ABCA3: variants seen among roughly 807,000 people sequenced by gnomAD.
ABCA3 encodes the protein ATP binding cassette subfamily A member 3.
A neutral mutation model predicts 172.8 loss-of-function variants in ABCA3; 88 were observed. That is an observed-to-expected ratio of 0.51 (90% CI 0.43 to 0.61). ABCA3 has a LOEUF of 0.61. Ranked by LOEUF, ABCA3 falls within the 20% of genes least tolerant of loss-of-function variation. The probability of loss-of-function intolerance (pLI) is 0.00; values close to 1 mark genes in which losing one functional copy is unlikely to be tolerated. For missense variants in ABCA3, 2,164 were observed against 2,301.0 expected (o/e 0.94, Z 1.22); for synonymous variants, 1,066 against 983.8 (o/e 1.08, Z -1.56).
In ABCA3 at chr16:2,277,869, C is replaced by A; in HGVS notation, c.4909+10G>T. On this transcript the variant is annotated intron_variant, in intron 31 of 32. Coordinates refer to ENST00000301732, the MANE Select transcript of ABCA3 (RefSeq NM_001089.3). This position sits in a 1 kb window ranked among gnomAD's most constrained non-coding sequence, Gnocchi z 5.3. ...CCCACCCAGTGGGGGCTGCCGGGGCCGGCACACACCTGGAAAGGTCAGGTC... is the reference window on the plus strand; with the variant it reads ...CCCACCCAGTGGGGGCTGCCGGGGCAGGCACACACCTGGAAAGGTCAGGTC... The A allele has an allele frequency of 3.1e-6, 5 of 1,607,894 alleles. No individual in the cohort carries two copies. Among genetic ancestry groups the A allele is most frequent in the Non-Finnish European group, 4.2e-6 (5 of 1,179,720 alleles).
intron 5 of ABCA3, among the ~76,000 whole-genome samples, chr16:2,325,350 C>T (rs527764597): frequency 6.6e-6 from 1 of 152,302 alleles, no homozygotes; most frequent in African/African-American, 2.4e-5. Flanking sequence ...ACTGCTAAGG[C>T]TGCTGCACCT....
chr16:2,279,523 G>T lies in ABCA3; in HGVS notation c.4360-393C>A, dbSNP rs1374584885. 6.6e-6 allele frequency among the ~76,000 whole-genome samples: 1 copy of T among 152,188 alleles called. No homozygotes were observed. The highest frequency in any genetic ancestry group is 1.5e-5 in the Non-Finnish European group (1 of 68,036). On this transcript the variant is annotated intron_variant, in intron 28 of 32. Transcript: ENST00000301732. The surrounding 1 kb of genome is among the most constrained non-coding windows in gnomAD (Gnocchi z 4.4). ...CTTCTCCCTCTAAGAAGAAAGATTT[G>T]TGGGCACCACGTTTGGGGTGAGTAC...
intron 13 of ABCA3, 71 bp from the exon 14 acceptor site, chr16:2,299,603 C>G: frequency 6.2e-7 from 1 of 1,602,382 alleles, no homozygotes; most frequent in Middle Eastern, 1.7e-4. Context: ...CTCTCCTGCT[C>G]CCCTGCCCGA....
chr16:2,338,704 G>C (rs2093755632), intron 1 of ABCA3, among the ~76,000 whole-genome samples: 1 of 150,624 alleles, frequency 6.6e-6, no homozygotes, highest in Admixed American at 6.6e-5. Flanking sequence ...CATCTCTTTA[G>C]CTCTATCCTA....
At chr16:2,294,856 G>A (rs2093677334) in intron 18 of ABCA3, among the ~76,000 whole-genome samples, 1 of 151,866 alleles carries the variant, frequency 6.6e-6, no homozygotes, top group South Asian at 2.1e-4. Flanking sequence ...GGTGGTGCAC[G>A]CCTGTAATCC....
At position 2,284,945 on chromosome 16, in the gene ABCA3, A is replaced by T. The variant is rs757184568; in HGVS notation, c.3537T>A (p.Ala1179=). 1 of 1,613,892 alleles carries T rather than the reference A, an allele frequency of 6.2e-7. No homozygotes were observed. The highest frequency in any genetic ancestry group is 1.7e-5 in the Admixed American group (1 of 60,024). Residue 1179 remains alanine (A), a synonymous_variant, in exon 24 of 33, where the codon GCT becomes GCA. Transcript: ENST00000301732. The surrounding 1 kb of genome is among the most constrained non-coding windows in gnomAD (Gnocchi z 5.9). ...VRAFTRDGHM[A]DTLLLLLLYG... ...AGAGCAGGAGCAGCAGCAGGGTGTCAGCCATGTGGCCGTCCCGCGTGAAGG... is the reference window on the plus strand; with the variant it reads ...AGAGCAGGAGCAGCAGCAGGGTGTCTGCCATGTGGCCGTCCCGCGTGAAGG...
At chr16:2,319,907 T>C in intron 7 of ABCA3, 67 bp from the exon 8 acceptor site, 2 of 1,599,946 alleles carry the variant, frequency 1.3e-6, no homozygotes, top group Non-Finnish European at 1.7e-6. Context: ...GAGGGCCACG[T>C]GCATGGGGTC....
At chr16:2,325,738 T>C (rs2093733113) in intron 5 of ABCA3, among the ~76,000 whole-genome samples, 1 of 151,968 alleles carries the variant, frequency 6.6e-6, no homozygotes, top group South Asian at 2.1e-4. Context: ...GCCCCATGGG[T>C]TAAAATGTCA....
intron 12 of ABCA3, among the ~76,000 whole-genome samples, chr16:2,301,012 T>C (rs6422255): frequency 0.97 from 145,550 of 150,174 alleles, 70,621 homozygotes; most frequent in South Asian, 1. Flanking sequence ...GGGCGGATCA[T>C]GAGGTCAGGA....
In ABCA3 at chr16:2,285,724, C is replaced by G. The variant is rs374596575; in HGVS notation, c.3279-78G>C. On this transcript the variant is annotated intron_variant, in intron 22 of 32. Transcript: ENST00000301732. This position sits in a 1 kb window ranked among gnomAD's most constrained non-coding sequence, Gnocchi z 4.7. ...GAGAGGTCGGGTTCTCGGTTATGAC[C>G]GCCCAAGGCATGCAGGGCAGCAGCC... 2 of 1,428,820 alleles carry G rather than the reference C, an allele frequency of 1.4e-6. No homozygotes were observed. Among genetic ancestry groups the G allele is most frequent in the East Asian group, 5.0e-5 (2 of 40,340 alleles). The allele number at this position is 1,428,820 out of a possible 1,614,324, so 88.5% of individuals were successfully genotyped here.
intron 18 of ABCA3, among the ~76,000 whole-genome samples, chr16:2,294,287 A>C (rs2141704284): frequency 6.6e-6 from 1 of 152,022 alleles, no homozygotes; most frequent in Admixed American, 6.5e-5. Context: ...TGGCCTCCCA[A>C]AGTGCTGGGA....
Position 2,326,220 on chromosome 16 carries a change from C to A in ABCA3, c.109G>T (p.Gly37Trp). ...LELFLPLLFS[G>W]ILIWLRLKIQ... ...TTCAAGCGGAGCCAGATGAGGATCC[C>A]AGAAAACAGCAATGGCAGGAAGAGT... The change falls in exon 5 of 33, where the codon GGG (glycine) becomes TGG (tryptophan). Residue 37 changes from glycine (G) to tryptophan (W), a missense_variant. Physicochemically the swap from Gly to Trp is radical, Grantham distance 184. Transcript: ENST00000301732. 6.2e-7 allele frequency: 1 copy of A among 1,613,996 alleles called. No homozygotes were observed. The highest frequency in any genetic ancestry group is 8.5e-7 in the Non-Finnish European group (1 of 1,180,036).
Position 2,312,619 on chromosome 16 carries a change from C to G in ABCA3, c.1112-3996G>C, listed in dbSNP as rs188852851. Among the ~76,000 whole-genome samples the G allele has an allele frequency of 1.5e-4, 23 of 151,846 alleles. No individual in the cohort carries two copies. The South Asian group carries it at 4.4e-3, about 29-fold the overall frequency. On this transcript the variant is annotated intron_variant, in intron 10 of 32. Coordinates refer to ENST00000301732, the MANE Select transcript of ABCA3 (RefSeq NM_001089.3). ...TCTCAGCCCACTGCAACCTCCGCCT[C>G]CCGGGTTCAAGTGATTCTCCTGCCT...
At chr16:2,306,820 C>T (rs1408532049) in intron 11 of ABCA3, among the ~76,000 whole-genome samples, 3 of 151,944 alleles carry the variant, frequency 2.0e-5, no homozygotes, top group South Asian at 4.2e-4. Context: ...TCGAGACCAT[C>T]CTGGCTAACA....
At chr16:2,322,065 G>A (rs974556397) in intron 7 of ABCA3, among the ~76,000 whole-genome samples, 5 of 152,064 alleles carry the variant, frequency 3.3e-5, no homozygotes, top group African/African-American at 1.2e-4. Context: ...GGGCGTGGTG[G>A]TGTGCGCCTG....
intron 10 of ABCA3, among the ~76,000 whole-genome samples, chr16:2,310,863 G>T (rs981473427): frequency 5.9e-5 from 9 of 151,966 alleles, no homozygotes; most frequent in African/African-American, 2.2e-4. Context: ...CACCTCTGGT[G>T]CTTCAGTCAG....
intron 12 of ABCA3, 88 bp downstream of exon 12, chr16:2,303,881 G>T: frequency 6.9e-7 from 1 of 1,453,600 alleles, no homozygotes; most frequent in South Asian, 1.2e-5. Context: ...GCTGCATGCT[G>T]GGGACTCAGA....
Position 2,281,108 on chromosome 16 carries a change from G to C in ABCA3, c.4278C>G (p.Phe1426Leu). ...GFNGAGKTTT[F>L]KMLTGEESLT... ...GGCTCTCCTCCCCGGTCAGCATTTT[G>C]AAAGTCGTGGTCTTCCCGGCTCCAT... The change falls in exon 28 of 33, where the codon TTC becomes TTG. Residue 1426 changes from phenylalanine to leucine, a missense_variant. Around this residue, in one of 3 missense-constraint regions of ABCA3, gnomAD observed 795 missense variants for 881.9 expected, o/e 0.90. Coordinates refer to ENST00000301732, the MANE Select transcript of ABCA3 (RefSeq NM_001089.3). The surrounding 1 kb of genome is among the most constrained non-coding windows in gnomAD (Gnocchi z 4.7). 6.2e-7 allele frequency: 1 copy of C among 1,613,948 alleles called. No homozygotes were observed. The highest frequency in any genetic ancestry group is 8.5e-7 in the Non-Finnish European group (1 of 1,180,016).
intron 1 of ABCA3, among the ~76,000 whole-genome samples, chr16:2,331,102 C>T (rs1232929453): frequency 6.6e-6 from 1 of 152,198 alleles, no homozygotes; most frequent in Non-Finnish European, 1.5e-5. Context: ...AAACACAGAA[C>T]AACTTCCAAC....
Sources: allele counts gnomAD v4.1 joint callset (sites outside exome capture counted in the v4.1 genomes callset), GRCh38; gene constraint gnomAD v4.1.1; regional missense constraint gnomAD v4.1.1; non-coding constraint Gnocchi (gnomAD v3.1); transcripts MANE v1.5; gene names NCBI Gene and HGNC (gene_info 2026-07-23, HGNC 2026-07-21).